Variants in SNED1 observed in about 807,000 individuals in gnomAD.
SNED1 encodes the protein sushi, nidogen and EGF like domains 1, also known as sushi, nidogen and EGF-like domain-containing protein 1.
SNED1 carries 81 observed loss-of-function variants against 166.7 expected under a neutral mutation model. That is an observed-to-expected ratio of 0.49 (90% CI 0.41 to 0.58). SNED1 has a LOEUF of 0.58. Ranked by LOEUF, SNED1 falls within the 20% of genes least tolerant of loss-of-function variation. SNED1 has a pLI of 0.00. For missense variants in SNED1, 1,604 were observed against 2,000.2 expected (o/e 0.80, Z 3.78); for synonymous variants, 762 against 822.0 (o/e 0.93, Z 1.25).
At chr2:241,037,415 C>A (rs2061409438) in intron 6 of SNED1, 62 bp downstream of exon 6, 2 of 1,136,596 alleles carry the variant, frequency 1.8e-6, no homozygotes, top group Admixed American at 4.1e-5. Flanking sequence ...GGAGACACAG[C>A]TGGACAAGGC....
intron 8 of SNED1, among the ~76,000 whole-genome samples, chr2:241,042,948 C>T (rs982326): frequency 0.17 from 25,474 of 151,430 alleles, 2,413 homozygotes; most frequent in East Asian, 0.26. Context: ...CTGGGATCCA[C>T]GTATTTGGAG....
intron 16 of SNED1, among the ~76,000 whole-genome samples, chr2:241,054,430 G>A (rs1318217817): frequency 6.6e-6 from 1 of 152,166 alleles, no homozygotes; most frequent in African/African-American, 2.4e-5. Flanking sequence ...CTAGCCCGGC[G>A]TGGTGGCACA....
chr2:241,036,985 G>C, intron 5 of SNED1, 70 bp downstream of exon 5: 1 of 1,531,060 alleles, frequency 6.5e-7, no homozygotes, highest in Non-Finnish European at 8.8e-7. Flanking sequence ...TGTAGGCTCC[G>C]CCAGTGGCCC....
At chr2:241,083,787 T>A (rs1048237057) in intron 29 of SNED1, among the ~76,000 whole-genome samples, 2 of 152,180 alleles carry the variant, frequency 1.3e-5, no homozygotes, top group Non-Finnish European at 2.9e-5. Flanking sequence ...GTATTTAACA[T>A]AGAGGTGGGT....
Position 241,028,082 on chromosome 2 carries a change from A to G in SNED1, c.214-2202A>G, listed in dbSNP as rs375239362. Among the ~76,000 whole-genome samples the G allele has an allele frequency of 7.2e-5, 11 of 152,056 alleles. No individual in the cohort carries two copies. In the East Asian group the frequency reaches 9.6e-4, roughly 13 times the overall value. On this transcript the variant is annotated intron_variant, in intron 1 of 31. Coordinates refer to ENST00000310397, the MANE Select transcript of SNED1 (RefSeq NM_001080437.3). ...ATGTTGAACATGTTTCCAGGTGCTC[A>G]TTGGTTCTTTGGAGAAATGTCTGTT...
Position 241,062,914 on chromosome 2 carries a change from G to A in SNED1, c.2371+10G>A. 2.6e-6 allele frequency: 4 copies of A among 1,555,222 alleles called. No homozygotes were observed. The highest frequency in any genetic ancestry group is 3.5e-6 in the Non-Finnish European group (4 of 1,142,590). On this transcript the variant is annotated intron_variant, in intron 17 of 31. Transcript: ENST00000310397. ...GCCCACTGTGAGCTGGGTAAGAGGG[G>A]CCCTGGCCCCGCTGGGGTGACAGCT...
intron 26 of SNED1, chr2:241,072,219 T>A (rs16843224): frequency 3.8e-6 from 2 of 531,442 alleles, no homozygotes; most frequent in Non-Finnish European, 7.2e-6. Context: ...AGCTTTGTTT[T>A]AGTAAACCAT....
chr2:241,087,670 G>A (rs574785154), intron 30 of SNED1, 195 bp downstream of exon 30: 2 of 1,379,352 alleles, frequency 1.4e-6, no homozygotes, highest in African/African-American at 2.9e-5. Flanking sequence ...AGCATACCCA[G>A]AGGGGCACAG....
chr2:241,030,142 T>A, intron 1 of SNED1, 142 bp from the exon 2 acceptor site: 1 of 743,468 alleles, frequency 1.3e-6, no homozygotes, highest in Non-Finnish European at 2.2e-6. Context: ...GACGGGGGGC[T>A]GTCAGGCCAC....
At chr2:241,074,727 G>C (rs1270487073) in intron 27 of SNED1, 1 of 152,214 alleles carries the variant, frequency 6.6e-6, no homozygotes, top group African/African-American at 2.4e-5. Context: ...AGCCAGTCAT[G>C]ATCTTTGGTT....
chr2:241,030,135 G>T, intron 1 of SNED1, 149 bp from the exon 2 acceptor site: 1 of 691,378 alleles, frequency 1.4e-6, no homozygotes, highest in Non-Finnish European at 2.4e-6. Flanking sequence ...TCTCAGGGAC[G>T]GGGGGCTGTC....
At chr2:241,083,718 C>T (rs571264934) in intron 29 of SNED1, among the ~76,000 whole-genome samples, 10 of 152,316 alleles carry the variant, frequency 6.6e-5, no homozygotes, top group African/African-American at 2.4e-4. Context: ...CCCTTCACTT[C>T]CTGAAAGCAT....
chr2:241,007,677 T>G lies in SNED1; in HGVS notation c.213+8627T>G, dbSNP rs1449510543. Among the ~76,000 whole-genome samples, 5 of 152,240 alleles carry G rather than the reference T, an allele frequency of 3.3e-5. No homozygotes were observed. In the East Asian group the frequency reaches 7.7e-4, roughly 23 times the overall value. ...AAGGGTAGGGTTTTACAAAACAGAC[T>G]TCGGGTTACCATCTCATATGGGTCT... On this transcript the variant is annotated intron_variant, in intron 1 of 31. Coordinates refer to ENST00000310397, the MANE Select transcript of SNED1 (RefSeq NM_001080437.3).
At chr2:241,033,907 G>C in intron 3 of SNED1, 32 bp downstream of exon 3, 6 of 1,564,242 alleles carry the variant, frequency 3.8e-6, no homozygotes, top group Non-Finnish European at 5.2e-6. Context: ...TCTGTGTTCA[G>C]AACCCCTGCT....
intron 27 of SNED1, among the ~76,000 whole-genome samples, chr2:241,078,282 C>A (rs1374070440): frequency 6.6e-6 from 1 of 150,840 alleles, no homozygotes; most frequent in Non-Finnish European, 1.5e-5. Context: ...CCTCAGGAGG[C>A]TGAGGCAGGA....
intron 1 of SNED1, chr2:241,010,811 A>T (rs2060368083): frequency 6.5e-6 from 1 of 152,738 alleles, no homozygotes; most frequent in African/African-American, 2.4e-5. Flanking sequence ...TCCAGGTGGC[A>T]ATCTTGTTTT....
Position 241,069,632 on chromosome 2 carries a change from G to C in SNED1, c.3308-288G>C, listed in dbSNP as rs958912510. ...CCACGCAGCCAGGCTCAGGGGAACC[G>C]ACTGTGCCGCAGGGAGGGCGCCAGC... On this transcript the variant is annotated intron_variant, in intron 23 of 31. Coordinates refer to ENST00000310397, the MANE Select transcript of SNED1 (RefSeq NM_001080437.3). The surrounding 1 kb of genome is among the most constrained non-coding windows in gnomAD (Gnocchi z 4.9). Among the ~76,000 whole-genome samples the C allele has an allele frequency of 3.9e-5, 6 of 152,198 alleles. No individual in the cohort carries two copies. Among genetic ancestry groups the C allele is most frequent in the Non-Finnish European group, 8.8e-5 (6 of 68,030 alleles).
At position 241,011,552 on chromosome 2, in the gene SNED1, C is replaced by T. The variant is rs1279052534; in HGVS notation, c.213+12502C>T. 3.9e-5 allele frequency among the ~76,000 whole-genome samples: 6 copies of T among 152,230 alleles called. No individual in the cohort carries two copies. In the East Asian group the frequency reaches 1.2e-3, roughly 29 times the overall value. On this transcript the variant is annotated intron_variant, in intron 1 of 31. Coordinates refer to ENST00000310397, the MANE Select transcript of SNED1 (RefSeq NM_001080437.3). ...CACACCTAGCCATGAACAGGGGCGT[C>T]GGCTGGGAGACAGGCTAATCCTTTC...
intron 31 of SNED1, 151 bp downstream of exon 31, chr2:241,088,553 G>A (rs189081421): frequency 2.4e-5 from 16 of 668,050 alleles, no homozygotes; most frequent in Non-Finnish European, 3.9e-5. Flanking sequence ...CAGACTCCCG[G>A]GCAGGAAGGT....
Sources: allele counts gnomAD v4.1 joint callset (sites outside exome capture counted in the v4.1 genomes callset), GRCh38; gene constraint gnomAD v4.1.1; non-coding constraint Gnocchi (gnomAD v3.1); transcripts MANE v1.5; gene names NCBI Gene and HGNC (gene_info 2026-07-23, HGNC 2026-07-21).